Variants in VPS13B observed in about 807,000 individuals in gnomAD.
The protein encoded by VPS13B is intermembrane lipid transfer protein VPS13B.
VPS13B carries 285 observed loss-of-function variants against 426.4 expected under a neutral mutation model. The observed-to-expected ratio is 0.67, with a 90% CI of 0.61 to 0.74. The LOEUF is 0.74. Among genes scored for constraint, VPS13B ranks in the 30% least tolerant of loss-of-function variants. The pLI, the probability that VPS13B is intolerant of heterozygous loss-of-function variation, is 0.00. For missense variants in VPS13B, 4,537 were observed against 4,782.6 expected (o/e 0.95, Z 1.51); for synonymous variants, 1,676 against 1,676.4 (o/e 1.00, Z 0.01).
chr8:99,728,507 T>C (rs1290830975), intron 39 of VPS13B, among the ~76,000 whole-genome samples: 1 of 152,196 alleles, frequency 6.6e-6, no homozygotes, highest in East Asian at 1.9e-4. Context: ...CCCATATCAA[T>C]TGATCAAAGA....
chr8:99,336,454 G>C (rs1043957263), intron 19 of VPS13B, among the ~76,000 whole-genome samples: 2 of 152,114 alleles, frequency 1.3e-5, no homozygotes, highest in African/African-American at 4.8e-5. Flanking sequence ...ATAGGCATGG[G>C]CAAGGACTTC....
chr8:99,320,253 T>C (rs1809903784), intron 19 of VPS13B, among the ~76,000 whole-genome samples: 1 of 152,198 alleles, frequency 6.6e-6, no homozygotes, highest in Non-Finnish European at 1.5e-5. Flanking sequence ...TTTCCCAGCA[T>C]CCTGATATTT....
Position 99,502,851 on chromosome 8 carries a change from G to C in VPS13B, c.4058G>C (p.Ser1353Thr), listed in dbSNP as rs1160697460. ...CTTATTGCAGAGGTTTGTATGGTCAGTGAACTAGAAGATCTCAGTGCTTCC... is the reference window on the plus strand; with the variant it reads ...CTTATTGCAGAGGTTTGTATGGTCACTGAACTAGAAGATCTCAGTGCTTCC... ...ENKGTEVCMV[S>T]ELEDLSASID... is the part of the protein sequence containing the mutation. The change falls in exon 27 of 62, where the codon AGT (serine) becomes ACT (threonine). Residue 1353 changes from serine (S) to threonine (T), a missense_variant. This residue lies in a region of VPS13B where 4,311 missense variants were observed against 4,474.3 expected (regional missense o/e 0.96). Transcript: ENST00000357162. 2 of 1,612,852 alleles carry C rather than the reference G, an allele frequency of 1.2e-6. No individual in the cohort carries two copies. Among genetic ancestry groups the C allele is most frequent in the South Asian group, 2.2e-5 (2 of 91,048 alleles).
chr8:99,830,947 C>T (rs1815005634), intron 51 of VPS13B, among the ~76,000 whole-genome samples: 1 of 151,992 alleles, frequency 6.6e-6, no homozygotes, highest in Non-Finnish European at 1.5e-5. Flanking sequence ...CTAAACAGTC[C>T]CAGTGAGATG....
At chr8:99,731,253 G>A (rs947814725) in intron 39 of VPS13B, among the ~76,000 whole-genome samples, 1 of 152,136 alleles carries the variant, frequency 6.6e-6, no homozygotes, top group Non-Finnish European at 1.5e-5. Flanking sequence ...TATGTACCAA[G>A]CACCAAACTT....
chr8:99,568,978 A>G (rs1825333345), intron 31 of VPS13B, among the ~76,000 whole-genome samples: 1 of 151,330 alleles, frequency 6.6e-6, no homozygotes, highest in Non-Finnish European at 1.5e-5. Flanking sequence ...CGCCCGGCTA[A>G]TTTTTTTTGT....
intron 22 of VPS13B, among the ~76,000 whole-genome samples, chr8:99,439,728 A>G (rs1817586156): frequency 6.6e-6 from 1 of 152,124 alleles, no homozygotes; most frequent in Non-Finnish European, 1.5e-5. Context: ...TTATCTATAA[A>G]GTGCTTTATA....
At chr8:99,583,018 G>T (rs767496650) in intron 33 of VPS13B, among the ~76,000 whole-genome samples, 1 of 152,046 alleles carries the variant, frequency 6.6e-6, no homozygotes. Context: ...TCTCACTAAC[G>T]CACACCCCAT....
chr8:99,369,278 G>A (rs1288579527), intron 19 of VPS13B, among the ~76,000 whole-genome samples: 2 of 152,192 alleles, frequency 1.3e-5, no homozygotes, highest in Non-Finnish European at 2.9e-5. Flanking sequence ...GAAAGAAAGG[G>A]AGAGGGAAGG....
chr8:99,314,009 C>G (rs148732313), intron 19 of VPS13B, among the ~76,000 whole-genome samples: 4 of 152,126 alleles, frequency 2.6e-5, no homozygotes, highest in African/African-American at 4.8e-5. Context: ...TTGCTAAGAC[C>G]GTTGGAAAAG....
Position 99,174,235 on chromosome 8 carries a change from A to ATCTTTTAG in VPS13B, c.2333+4072_2333+4073insTCTTTTAG. Among the ~76,000 whole-genome samples the ATCTTTTAG allele has an allele frequency of 3.3e-5, 5 of 152,318 alleles. 1 individual carries two copies. The highest frequency in any genetic ancestry group is 1.2e-4 in the African/African-American group (5 of 41,564). On this transcript the variant is annotated intron_variant, in intron 16 of 61. Transcript: ENST00000357162. ...ATTTTGTTTATCCATTTATCCATTG[A>ATCTTTTAG]CAAATACCTCTCACCTTTTAGCTAT...
chr8:99,295,753 G>T (rs1820000018), intron 19 of VPS13B, among the ~76,000 whole-genome samples: 2 of 152,172 alleles, frequency 1.3e-5, no homozygotes, highest in South Asian at 4.1e-4. Context: ...AGAAGGCCAG[G>T]CGCAATGGCT....
At chr8:99,479,734 T>C (rs934028929) in intron 24 of VPS13B, among the ~76,000 whole-genome samples, 1 of 152,204 alleles carries the variant, frequency 6.6e-6, no homozygotes, top group African/African-American at 2.4e-5. Flanking sequence ...GCATCAATAG[T>C]TTATTTCTTT....
In VPS13B at chr8:99,079,663, TG is replaced by T. The variant is rs1409637140; in HGVS notation, c.292-16648del. On this transcript the variant is annotated intron_variant, in intron 3 of 61. Transcript: ENST00000357162. Reference sequence around the variant, plus strand: ...ATTGATTTTCCCCTTAATATAAAATTGTTTTTTTAGGTTACACTGTAAGAGA... The same window carrying T: ...ATTGATTTTCCCCTTAATATAAAATTTTTTTTTAGGTTACACTGTAAGAGA... Among the ~76,000 whole-genome samples the T allele has an allele frequency of 3.9e-5, 6 of 152,316 alleles. No individual in the cohort carries two copies. The East Asian group carries it at 7.7e-4, about 20-fold the overall frequency.
chr8:99,667,468 G>T (rs914536415), intron 35 of VPS13B, among the ~76,000 whole-genome samples: 1 of 152,146 alleles, frequency 6.6e-6, no homozygotes, highest in Non-Finnish European at 1.5e-5. Context: ...AATGATTTAA[G>T]TTCTTCAAAG....
chr8:99,507,987 A>G (rs1039398862), intron 28 of VPS13B: 7 of 1,597,990 alleles, frequency 4.4e-6, no homozygotes, highest in Middle Eastern at 1.7e-4. Context: ...TGATTCATAG[A>G]GTCAACTCTT....
At chr8:99,419,525 C>G (rs1588354860) in intron 21 of VPS13B, among the ~76,000 whole-genome samples, 1 of 152,084 alleles carries the variant, frequency 6.6e-6, no homozygotes, top group Admixed American at 6.6e-5. Context: ...GGCTTATTTT[C>G]TAGAGGTTTT....
At chr8:99,652,152 A>G (rs16897542) in intron 34 of VPS13B, among the ~76,000 whole-genome samples, 20,675 of 152,094 alleles carry the variant, frequency 0.14, 1,960 homozygotes, top group East Asian at 0.39. Flanking sequence ...CCAAAGGTCT[A>G]ATGAAGGGTC....
At chr8:99,655,405 A>G (rs768368614) in intron 34 of VPS13B, among the ~76,000 whole-genome samples, 2 of 152,092 alleles carry the variant, frequency 1.3e-5, no homozygotes, top group Non-Finnish European at 2.9e-5. Context: ...GATCAACATC[A>G]TTTTCCTCTT....
Sources: allele counts gnomAD v4.1 joint callset (sites outside exome capture counted in the v4.1 genomes callset), GRCh38; gene constraint gnomAD v4.1.1; regional missense constraint gnomAD v4.1.1; transcripts MANE v1.5; gene names NCBI Gene and HGNC (gene_info 2026-07-23, HGNC 2026-07-21).